AP4E1: variants seen among roughly 807,000 people sequenced by gnomAD.
The protein encoded by AP4E1 is AP-4 complex subunit epsilon-1.
Under a neutral mutation model 128.2 loss-of-function variants are expected in AP4E1, and 56 were observed. That is an observed-to-expected ratio of 0.44 (90% CI 0.35 to 0.55). AP4E1 has a LOEUF of 0.55. Ranked by LOEUF, AP4E1 falls within the 20% of genes least tolerant of loss-of-function variation. The pLI, the probability that AP4E1 is intolerant of heterozygous loss-of-function variation, is 0.00. For missense variants in AP4E1, 1,324 were observed against 1,307.7 expected (o/e 1.01, Z -0.19); for synonymous variants, 484 against 473.1 (o/e 1.02, Z -0.30).
intron 16 of AP4E1, among the ~76,000 whole-genome samples, chr15:50,987,595 C>T (rs1247648676): frequency 1.3e-5 from 2 of 152,188 alleles, no homozygotes; most frequent in African/African-American, 4.8e-5. Context: ...TGTTCAGTTT[C>T]CATGTAGTTG....
rs758107293 is a variant in AP4E1, at chr15:50,984,084, C to T, written c.2029C>T (p.Pro677Ser). Residue 677 changes from proline to serine, a missense_variant, in exon 16 of 21, where the codon CCT becomes TCT. Physicochemically the swap from Pro to Ser is moderately conservative, Grantham distance 74. Transcript: ENST00000261842. ...ATCTGGCTTCACTGGACGACAGTCTCCTGCTGGCATTTCTCTTGGTTCAGA... is the reference window on the plus strand; with the variant it reads ...ATCTGGCTTCACTGGACGACAGTCTTCTGCTGGCATTTCTCTTGGTTCAGA... ...SSSGFTGRQS[P>S]AGISLGSDVS... The T allele has an allele frequency of 1.2e-6, 2 of 1,613,536 alleles. No homozygotes were observed. The highest frequency in any genetic ancestry group is 2.2e-5 in the East Asian group (1 of 44,840).
chr15:50,968,463 T>C lies in AP4E1; in HGVS notation c.1966+86T>C, dbSNP rs181827836. 3,854 of 991,778 alleles carry C rather than the reference T, an allele frequency of 3.9e-3. 14 individuals carry two copies. Among genetic ancestry groups the C allele is most frequent in the Middle Eastern group, 8.2e-3 (38 of 4,608 alleles). The allele number at this position is 991,778 out of a possible 1,614,324, so 61.4% of individuals were successfully genotyped here. A position where few individuals can be genotyped will look rare whatever the true frequency, so the allele number is the denominator to read the frequency against. On this transcript the variant is annotated intron_variant, in intron 15 of 20. Transcript: ENST00000261842. The stretch of plus-strand genomic sequence containing the variant: ...TCATGTAAGTAAATAAATAAAGATA[T>C]TTACTTTCTATTATTTCTCTTTAAT...
intron 15 of AP4E1, among the ~76,000 whole-genome samples, chr15:50,978,908 G>C (rs1415767299): frequency 6.6e-6 from 1 of 152,098 alleles, no homozygotes; most frequent in Non-Finnish European, 1.5e-5. Flanking sequence ...AAATAATGTG[G>C]TTTGAACTTT....
chr15:50,962,004 AAAAT>A (rs540050363), intron 14 of AP4E1, among the ~76,000 whole-genome samples: 9 of 146,740 alleles, frequency 6.1e-5, no homozygotes, highest in Non-Finnish European at 1.1e-4. Flanking sequence ...CAACAGCTAC[AAAAT>A]AAATAAATAA....
At chr15:50,909,314 CATT>C (rs1375016679) in intron 1 of AP4E1, among the ~76,000 whole-genome samples, 1 of 152,224 alleles carries the variant, frequency 6.6e-6, no homozygotes, top group East Asian at 1.9e-4. Context: ...AAGTGTCAGA[CATT>C]ATTTACCTTC....
intron 3 of AP4E1, chr15:50,915,975 T>C: frequency 5.2e-6 from 1 of 192,938 alleles, no homozygotes; most frequent in Non-Finnish European, 1.1e-5. Context: ...TTGCCCAGGC[T>C]AGAGTGCAGT....
chr15:50,964,137 A>G (rs2064355827), intron 14 of AP4E1, among the ~76,000 whole-genome samples: 1 of 152,152 alleles, frequency 6.6e-6, no homozygotes, highest in South Asian at 2.1e-4. Flanking sequence ...TCAAAATTCA[A>G]ATATTTGTTT....
intron 3 of AP4E1, among the ~76,000 whole-genome samples, chr15:50,918,946 T>C (rs1332285271): frequency 6.6e-6 from 1 of 152,148 alleles, no homozygotes; most frequent in African/African-American, 2.4e-5. Flanking sequence ...TGTTGTAATT[T>C]GGCTGGGCAT....
rs1235679423 is a variant in AP4E1 at position 50,958,652 on chromosome 15, C to T, written c.1709C>T (p.Thr570Ile). The T allele has an allele frequency of 1.2e-6, 2 of 1,614,098 alleles. No homozygotes were observed. The highest frequency in any genetic ancestry group is 1.1e-5 in the South Asian group (1 of 91,078). ...KLTSQAHSSN[T>I]VERLIHEFTI... ...ACATCTCAGGCGCACTCTTCTAATA[C>T]AGTTGAGAGATTAATCCATGAATTT... is the stretch of plus-strand genomic sequence containing the variant. Residue 570 changes from threonine (T) to isoleucine (I), a missense_variant, in exon 14 of 21, where the codon ACA becomes ATA. Physicochemically the swap from Thr to Ile is moderately conservative, Grantham distance 89. Coordinates refer to ENST00000261842, the MANE Select transcript of AP4E1 (RefSeq NM_007347.5).
chr15:50,965,919 ACTTT>A (rs2064385870), intron 14 of AP4E1, among the ~76,000 whole-genome samples: 1 of 151,316 alleles, frequency 6.6e-6, no homozygotes, highest in South Asian at 2.1e-4. Context: ...AAATTAGAAA[ACTTT>A]CTTTTTTTTT....
intron 16 of AP4E1, among the ~76,000 whole-genome samples, chr15:50,992,058 C>T (rs534744640): frequency 1.7e-4 from 26 of 149,880 alleles, no homozygotes; most frequent in South Asian, 8.4e-4. Context: ...TTAAACTGTG[C>T]GGGTCCACTT....
intron 4 of AP4E1, among the ~76,000 whole-genome samples, 155 bp from the exon 5 acceptor site, chr15:50,924,940 TAGG>T (rs1197831554): frequency 2.6e-5 from 4 of 152,208 alleles, no homozygotes; most frequent in Non-Finnish European, 4.4e-5. Context: ...ATGAAACAAA[TAGG>T]AGCATTGCAA....
intron 17 of AP4E1, among the ~76,000 whole-genome samples, chr15:50,996,988 G>C (rs1291191878): frequency 1.3e-5 from 2 of 152,212 alleles, no homozygotes; most frequent in African/African-American, 4.8e-5. Flanking sequence ...AAAAAATGGT[G>C]AAGTTTCTCA....
intron 3 of AP4E1, 141 bp downstream of exon 3, chr15:50,915,712 C>A: frequency 9.4e-7 from 1 of 1,064,488 alleles, no homozygotes; most frequent in Non-Finnish European, 1.4e-6. Context: ...GATCACACTT[C>A]AGAAAGTCAA....
intron 15 of AP4E1, among the ~76,000 whole-genome samples, chr15:50,975,300 G>A (rs1219190984): frequency 6.6e-6 from 1 of 152,224 alleles, no homozygotes; most frequent in African/African-American, 2.4e-5. Context: ...AGCTACTTGA[G>A]AGGCTGAGGC....
At chr15:50,919,777 T>G (rs1034565121) in intron 3 of AP4E1, among the ~76,000 whole-genome samples, 5 of 151,636 alleles carry the variant, frequency 3.3e-5, no homozygotes, top group African/African-American at 1.2e-4. Flanking sequence ...AATCATTTTT[T>G]AAAGATATAA....
At chr15:50,912,252 A>G (rs746614319) in intron 2 of AP4E1, 103 bp downstream of exon 2, 32 of 1,063,680 alleles carry the variant, frequency 3.0e-5, no homozygotes, top group Non-Finnish European at 4.4e-5. Flanking sequence ...AATTTGATTT[A>G]TCATAGTCAA....
intron 7 of AP4E1, among the ~76,000 whole-genome samples, chr15:50,931,761 A>G (rs781219433): frequency 1.3e-5 from 2 of 152,082 alleles, no homozygotes; most frequent in Non-Finnish European, 2.9e-5. Flanking sequence ...TTTTTTTCCA[A>G]CTATTTCAAA....
In AP4E1 at chr15:50,941,725, A is replaced by T; in HGVS notation, c.1126A>T (p.Met376Leu). 1 of 1,613,534 alleles carries T rather than the reference A, an allele frequency of 6.2e-7. No homozygotes were observed. The highest frequency in any genetic ancestry group is 8.5e-7 in the Non-Finnish European group (1 of 1,179,546). The change falls in exon 10 of 21, where the codon ATG becomes TTG. Residue 376 changes from methionine (M) to leucine (L), a missense_variant. Physicochemically the swap from Met to Leu is conservative, Grantham distance 15. Coordinates refer to ENST00000261842, the MANE Select transcript of AP4E1 (RefSeq NM_007347.5). ...TCCTACTCTGGCTCTTCAACACCAG[A>T]TGACAATAATTGAATGTTTAGATCA... ...QDPTLALQHQMTIIECLDHPD... is the reference protein window; with the variant it reads ...QDPTLALQHQLTIIECLDHPD...
Sources: gnomAD v4.1 joint callset for allele counts (sites outside exome capture counted in the v4.1 genomes callset) on GRCh38, gnomAD v4.1.1 for gene constraint, MANE v1.5 for transcripts, NCBI Gene and HGNC (gene_info 2026-07-23, HGNC 2026-07-21) for gene names.